Variants in FLRT1 observed in about 807,000 individuals in gnomAD.
The protein encoded by FLRT1 is fibronectin leucine rich transmembrane protein 1, also known as leucine-rich repeat transmembrane protein FLRT1.
Under a neutral mutation model 30.9 loss-of-function variants are expected in FLRT1, and 14 were observed. That is an observed-to-expected ratio of 0.45 (90% CI 0.30 to 0.71). The LOEUF is 0.71. FLRT1 is among the 30% of genes least tolerant of loss of function. The pLI is 0.08. For synonymous variants in FLRT1, 368 were observed against 430.4 expected (o/e 0.85, Z 1.80); for missense variants, 737 against 949.2 (o/e 0.78, Z 2.94).
rs774610946 is a variant in FLRT1 at position 64,116,381 on chromosome 11, C to G, written c.114C>G (p.Cys38Trp). 2.5e-6 allele frequency: 4 copies of G among 1,613,824 alleles called. No individual in the cohort carries two copies. The East Asian group carries it at 8.9e-5, about 36-fold the overall frequency. ...ACCTGCGGGACTGGCTGTTCCTCTG[C>G]TACGGGCTCATCGCCTTCCTGACGG... is the stretch of plus-strand genomic sequence containing the variant. ...TMDLRDWLFL[C>W]YGLIAFLTEV... The change falls in exon 3 of 3, where the codon TGC becomes TGG. Residue 38 changes from cysteine (C) to tryptophan (W), a missense_variant. Transcript: ENST00000682287.
chr11:64,079,047 C>G (rs928895644), intron 1 of FLRT1, among the ~76,000 whole-genome samples: 1 of 146,660 alleles, frequency 6.8e-6, no homozygotes, highest in Non-Finnish European at 1.5e-5. Context: ...CTTGCTGAGC[C>G]GCTGTGCGGA....
chr11:64,066,018 G>A lies in FLRT1; in HGVS notation c.-1038+29859G>A, dbSNP rs952063317. 4.6e-5 allele frequency among the ~76,000 whole-genome samples: 7 copies of A among 151,998 alleles called. No individual in the cohort carries two copies. The East Asian group carries it at 5.9e-4, about 13-fold the overall frequency. On this transcript the variant is annotated intron_variant, in intron 1 of 2. Coordinates refer to ENST00000682287, the MANE Select transcript of FLRT1 (RefSeq NM_013280.5). ...GTGGCTATAAAGATGAATTTAGGCC[G>A]GGTGTGGTGGCTCACGCCTGTAATC...
chr11:64,102,385 G>A (rs1005437208), intron 1 of FLRT1, among the ~76,000 whole-genome samples: 3 of 152,170 alleles, frequency 2.0e-5, no homozygotes, highest in Non-Finnish European at 4.4e-5. Flanking sequence ...AGGAAGTGGG[G>A]TGGGCACCAG....
In FLRT1 at chr11:64,067,274, A is replaced by G. The variant is rs1426251620; in HGVS notation, c.-1038+31115A>G. 2.6e-5 allele frequency among the ~76,000 whole-genome samples: 4 copies of G among 152,098 alleles called. No individual in the cohort carries two copies. Among genetic ancestry groups the G allele is most frequent in the Admixed American group, 6.5e-5 (1 of 15,278 alleles). On this transcript the variant is annotated intron_variant, in intron 1 of 2. Transcript: ENST00000682287. The surrounding 1 kb of genome is among the most constrained non-coding windows in gnomAD (Gnocchi z 4.6). ...ACCTGTGCGGCACGAGAGGGAGGGA[A>G]GGAGCATCATTAACACGACATGGCC...
intron 2 of FLRT1, among the ~76,000 whole-genome samples, chr11:64,115,983 G>C (rs763692011): frequency 1.3e-5 from 2 of 152,204 alleles, no homozygotes; most frequent in Non-Finnish European, 2.9e-5. Flanking sequence ...CAGCCTCTTG[G>C]CTCCTGATAA....
intron 1 of FLRT1, among the ~76,000 whole-genome samples, chr11:64,057,407 C>A (rs1943809792): frequency 6.6e-6 from 1 of 152,190 alleles, no homozygotes; most frequent in Non-Finnish European, 1.5e-5. Flanking sequence ...GGGAGTGACC[C>A]ACATGGTGCC....
At chr11:64,037,025 T>A (rs1943395168) in intron 1 of FLRT1, among the ~76,000 whole-genome samples, 1 of 147,150 alleles carries the variant, frequency 6.8e-6, no homozygotes, top group South Asian at 2.2e-4. Flanking sequence ...CCCCGGGAGG[T>A]CTTCGAGGCC....
At chr11:64,045,596 C>T (rs747307374) in intron 1 of FLRT1, among the ~76,000 whole-genome samples, 32 of 152,222 alleles carry the variant, frequency 2.1e-4, no homozygotes, top group Admixed American at 3.3e-4. Flanking sequence ...GGAGCAGCGG[C>T]GTTCAGCTGG....
At chr11:64,098,871 C>T (rs987757234) in intron 1 of FLRT1, among the ~76,000 whole-genome samples, 1 of 152,210 alleles carries the variant, frequency 6.6e-6, no homozygotes, top group Non-Finnish European at 1.5e-5. Context: ...GCAGCACATA[C>T]CAGCCATCTG....
intron 2 of FLRT1, among the ~76,000 whole-genome samples, chr11:64,114,773 G>A (rs904334592): frequency 6.6e-6 from 1 of 152,176 alleles, no homozygotes; most frequent in African/African-American, 2.4e-5. Flanking sequence ...ATGGATGGAT[G>A]AATGTACAGG....
chr11:64,052,730 C>T (rs558171391), intron 1 of FLRT1, among the ~76,000 whole-genome samples: 6 of 152,334 alleles, frequency 3.9e-5, no homozygotes, highest in Non-Finnish European at 8.8e-5. Context: ...CCACAACCTC[C>T]CAGCTTCTAG....
chr11:64,085,477 T>C (rs7933551), intron 1 of FLRT1, among the ~76,000 whole-genome samples: 2 of 152,210 alleles, frequency 1.3e-5, no homozygotes, highest in Non-Finnish European at 2.9e-5. Flanking sequence ...GCCATGTGTC[T>C]GGGGCGGCCG....
In FLRT1 at chr11:64,116,809, T is replaced by G. The variant is rs1386084347; in HGVS notation, c.542T>G (p.Leu181Arg). Residue 181 changes from leucine (L) to arginine (R), a missense_variant, in exon 3 of 3, where the codon CTG becomes CGG. Coordinates refer to ENST00000682287, the MANE Select transcript of FLRT1 (RefSeq NM_013280.5). ...TTCGCCGACAGCAAACAGCTCAAGC[T>G]GCTCTTCCTGAGCCGGAACCACCTG... ...DAFADSKQLKLLFLSRNHLSS... is the reference protein window; with the variant it reads ...DAFADSKQLKRLFLSRNHLSS... 3.1e-6 allele frequency: 5 copies of G among 1,613,420 alleles called. No individual in the cohort carries two copies. The highest frequency in any genetic ancestry group is 4.2e-6 in the Non-Finnish European group (5 of 1,180,008).
chr11:64,117,796 T>C lies in FLRT1; in HGVS notation c.1529T>C (p.Met510Thr). 1.2e-6 allele frequency: 2 copies of C among 1,614,176 alleles called. No individual in the cohort carries two copies. Among genetic ancestry groups the C allele is most frequent in the African/African-American group, 1.3e-5 (1 of 75,072 alleles). ...KSTYIICMVT[M>T]ETSNAYVADE... is the part of the protein sequence containing the mutation. ...ACCTACATCATCTGCATGGTCACCA[T>C]GGAGACCAGCAATGCCTACGTAGCT... Residue 510 changes from methionine (M) to threonine (T), a missense_variant, in exon 3 of 3, where the codon ATG becomes ACG. By Grantham distance (81) the Met-to-Thr change is moderately conservative (BLOSUM62 -1). Transcript: ENST00000682287.
At chr11:64,058,760 G>A (rs1199569663) in intron 1 of FLRT1, among the ~76,000 whole-genome samples, 1 of 152,246 alleles carries the variant, frequency 6.6e-6, no homozygotes, top group South Asian at 2.1e-4. Context: ...AGCTTCTAGG[G>A]TGGCCAGACG....
intron 1 of FLRT1, among the ~76,000 whole-genome samples, chr11:64,092,819 G>A (rs1251774740): frequency 6.6e-6 from 1 of 152,264 alleles, no homozygotes; most frequent in Non-Finnish European, 1.5e-5. Flanking sequence ...GTTTGAAGAA[G>A]ACATGAACGC....
intron 1 of FLRT1, among the ~76,000 whole-genome samples, chr11:64,093,177 A>T (rs1036634565): frequency 1.3e-5 from 2 of 152,192 alleles, no homozygotes; most frequent in African/African-American, 4.8e-5. Context: ...CAGTGAGGCG[A>T]CGTGTGAATA....
At chr11:64,069,171 G>A (rs532885362) in intron 1 of FLRT1, among the ~76,000 whole-genome samples, 3 of 152,230 alleles carry the variant, frequency 2.0e-5, no homozygotes, top group Non-Finnish European at 4.4e-5. Flanking sequence ...CGAGGGAGAG[G>A]TGCGGGGAGC....
At chr11:64,085,302 A>G (rs903810819) in intron 1 of FLRT1, among the ~76,000 whole-genome samples, 6 of 152,156 alleles carry the variant, frequency 3.9e-5, no homozygotes, top group African/African-American at 1.4e-4. Flanking sequence ...GTCCTGTTCA[A>G]TTTTGAACTG....
Sources: allele counts gnomAD v4.1 joint callset (sites outside exome capture counted in the v4.1 genomes callset), GRCh38; gene constraint gnomAD v4.1.1; non-coding constraint Gnocchi (gnomAD v3.1); transcripts MANE v1.5; gene names NCBI Gene and HGNC (gene_info 2026-07-23, HGNC 2026-07-21).